The following AMMECR1 variants were observed in gnomAD, a reference collection of about 807,000 sequenced individuals.
AMMECR1 encodes nuclear protein AMMECR1.
AMMECR1 carries 3 observed loss-of-function variants against 22.5 expected under a neutral mutation model. The observed-to-expected ratio is 0.13, with a 90% CI of 0.06 to 0.35. The LOEUF (loss-of-function observed/expected upper bound fraction) is 0.35. Ranked by LOEUF, AMMECR1 falls within the 10% of genes least tolerant of loss-of-function variation. AMMECR1 has a pLI of 1.00. For synonymous variants in AMMECR1, 130 were observed against 116.7 expected, an observed-to-expected ratio of 1.11 and a Z score of -0.74; for missense variants, 235 against 278.7, an observed-to-expected ratio of 0.84 and a Z score of 1.12.
chrX:110,285,127 T>A (rs1184717537), intron 1 of AMMECR1, among the ~76,000 whole-genome samples: 1 of 112,095 alleles, frequency 8.9e-6, no homozygotes, highest in Non-Finnish European at 1.9e-5. Flanking sequence ...CCTAACCTTT[T>A]CATTATTATA....
chrX:110,410,184 T>C (rs1273287915), intron 2 of AMMECR1, among the ~76,000 whole-genome samples: 1 of 111,133 alleles, frequency 9.0e-6, no homozygotes, highest in African/African-American at 3.3e-5. Context: ...GAGTTGGAAA[T>C]GGAACTCAGG....
chrX:110,437,569 G>A (rs1414495419), intron 1 of AMMECR1, among the ~76,000 whole-genome samples: 1 of 111,845 alleles, frequency 8.9e-6, no homozygotes, highest in Non-Finnish European at 1.9e-5. Context: ...TAGAGCTTTG[G>A]GGATGCTGCA....
intron 2 of AMMECR1, among the ~76,000 whole-genome samples, chrX:110,253,425 A>G (rs756050877): frequency 1.2e-4 from 14 of 112,287 alleles, no homozygotes; most frequent in Non-Finnish European, 2.4e-4. Context: ...GGAAGCTGCA[A>G]CAGTATGAGA....
intron 1 of AMMECR1, among the ~76,000 whole-genome samples, chrX:110,300,408 A>G (rs926647917): frequency 5.3e-5 from 6 of 112,429 alleles, no homozygotes; most frequent in Non-Finnish European, 9.4e-5. Context: ...TGAAAATAAC[A>G]CAATGGTCAA....
chrX:110,223,929 T>C (rs2148175879), intron 2 of AMMECR1, among the ~76,000 whole-genome samples: 1 of 112,144 alleles, frequency 8.9e-6, no homozygotes, highest in East Asian at 2.8e-4. Context: ...TGTGTGACAT[T>C]TGGGCAAGTC....
At chrX:110,316,700 A>G in intron 1 of AMMECR1, among the ~76,000 whole-genome samples, 1 of 111,613 alleles carries the variant, frequency 9.0e-6, no homozygotes, top group Non-Finnish European at 1.9e-5. Context: ...TTGAAGGGTA[A>G]AATAATTTAA....
At chrX:110,214,872 G>A (rs1055861530) in intron 3 of AMMECR1, among the ~76,000 whole-genome samples, 1 of 111,129 alleles carries the variant, frequency 9.0e-6, no homozygotes, top group Non-Finnish European at 1.9e-5. Context: ...ACAACACCCT[G>A]CAATCCAGAA....
At chrX:110,401,081 C>T (rs879043518) in intron 2 of AMMECR1, among the ~76,000 whole-genome samples, 10 of 112,364 alleles carry the variant, frequency 8.9e-5, no homozygotes, top group African/African-American at 2.9e-4. Context: ...TTTTCATCCT[C>T]GTTTTACAGA....
chrX:110,405,047 T>A (rs1373251923), intron 2 of AMMECR1, among the ~76,000 whole-genome samples: 2 of 107,218 alleles, frequency 1.9e-5, no homozygotes, highest in Non-Finnish European at 3.8e-5. Context: ...TACGCTTTTG[T>A]CAGTTAAATT....
chrX:110,243,878 C>A (rs2067645361), intron 2 of AMMECR1, among the ~76,000 whole-genome samples: 1 of 111,639 alleles, frequency 9.0e-6, no homozygotes, highest in Admixed American at 9.5e-5. Context: ...CTACCATATC[C>A]TGAAAGCAAA....
At chrX:110,269,055 T>C (rs1195483909) in intron 1 of AMMECR1, among the ~76,000 whole-genome samples, 2 of 112,268 alleles carry the variant, frequency 1.8e-5, no homozygotes, top group Non-Finnish European at 3.8e-5. Context: ...CATTTTTTCA[T>C]GTCTGTAGAC....
intron 2 of AMMECR1, among the ~76,000 whole-genome samples, chrX:110,402,765 T>C (rs1205473851): frequency 8.9e-6 from 1 of 112,178 alleles, no homozygotes; most frequent in Non-Finnish European, 1.9e-5. Context: ...AAGAGGGCTT[T>C]AGTTATTTTT....
intron 1 of AMMECR1, among the ~76,000 whole-genome samples, chrX:110,278,404 A>C (rs2067836722): frequency 8.9e-6 from 1 of 112,060 alleles, no homozygotes; most frequent in African/African-American, 3.2e-5. Flanking sequence ...GATAGCAGTA[A>C]GTAAGCCAAT....
intron 2 of AMMECR1, among the ~76,000 whole-genome samples, chrX:110,339,897 CAAAA>C (rs1256423702): frequency 9.4e-6 from 1 of 106,848 alleles, no homozygotes; most frequent in East Asian, 2.9e-4. Flanking sequence ...ACAAAACAAA[CAAAA>C]GAAATGAAAG....
chrX:110,306,750 G>A (rs1438908952), intron 1 of AMMECR1: 2 of 111,681 alleles, frequency 1.8e-5, no homozygotes, highest in South Asian at 3.8e-4. Flanking sequence ...GAGCCACCGC[G>A]CCTGGCCCCT....
chrX:110,315,431 C>T (rs1293663965), intron 1 of AMMECR1, among the ~76,000 whole-genome samples: 1 of 112,246 alleles, frequency 8.9e-6, no homozygotes, highest in Non-Finnish European at 1.9e-5. Flanking sequence ...TCTTCCACCA[C>T]CGTTTCAACA....
At position 110,209,684 on chromosome X, in the gene AMMECR1, A is replaced by T. The variant is rs181861705; in HGVS notation, c.699+6834T>A. Among the ~76,000 whole-genome samples, 177 of 111,373 alleles carry T rather than the reference A, an allele frequency of 1.6e-3. 1 individual carries two copies. Among genetic ancestry groups the T allele is most frequent in the Non-Finnish European group, 1.5e-3 (78 of 53,070 alleles). ...ATGAAACAGAAGCCATCTTTTAAAA[A>T]GGAGTATGTCACAGAATCATATTCT... On this transcript the variant is annotated intron_variant, in intron 3 of 5. Transcript: ENST00000262844.
intron 2 of AMMECR1, among the ~76,000 whole-genome samples, chrX:110,353,512 A>T (rs926263394): frequency 9.0e-6 from 1 of 111,269 alleles, no homozygotes; most frequent in Non-Finnish European, 1.9e-5. Context: ...TTATGTTTCC[A>T]TTCTTGTTTA....
At chrX:110,394,487 G>T (rs1183554338) in intron 2 of AMMECR1, among the ~76,000 whole-genome samples, 2 of 112,446 alleles carry the variant, frequency 1.8e-5, no homozygotes, top group South Asian at 3.7e-4. Context: ...TCTTTATTTA[G>T]AAGTTTGGTG....
Sources: allele counts gnomAD v4.1 joint callset (sites outside exome capture counted in the v4.1 genomes callset), GRCh38; gene constraint gnomAD v4.1.1; transcripts MANE v1.5; gene names NCBI Gene and HGNC (gene_info 2026-07-23, HGNC 2026-07-21).